Variants in PLCB1 observed in about 807,000 individuals in gnomAD.
PLCB1 encodes 1-phosphatidylinositol 4,5-bisphosphate phosphodiesterase beta-1.
A neutral mutation model predicts 161.8 loss-of-function variants in PLCB1; 46 were observed. The ratio of observed to expected loss-of-function variants is 0.28; its 90% CI spans 0.22 to 0.36. The LOEUF (loss-of-function observed/expected upper bound fraction) is 0.36, where lower values mean the gene tolerates loss of function less well. Among genes scored for constraint, PLCB1 ranks in the 10% least tolerant of loss-of-function variants. The pLI is 1.00. For synonymous variants in PLCB1, 517 were observed against 503.7 expected (o/e 1.03, Z -0.35); for missense variants, 1,016 against 1,472.5 (o/e 0.69, Z 5.07).
At chr20:8,203,097 GCACA>G (rs61698006) in intron 2 of PLCB1, among the ~76,000 whole-genome samples, 5 of 150,260 alleles carry the variant, frequency 3.3e-5, no homozygotes, top group East Asian at 2.0e-4. Flanking sequence ...ACACACACGC[GCACA>G]CACACACACA....
At position 8,483,041 on chromosome 20, in the gene PLCB1, G is replaced by A. The variant is rs373524869; in HGVS notation, c.246+111591G>A. Reference sequence around the variant, plus strand: ...AAATCTTGACATTGTTCTCTCGATCGATGGAAATAATCAAAAAGGAGAAGG... The same window carrying A: ...AAATCTTGACATTGTTCTCTCGATCAATGGAAATAATCAAAAAGGAGAAGG... On this transcript the variant is annotated intron_variant, in intron 3 of 31. Transcript: ENST00000338037. Among the ~76,000 whole-genome samples the A allele has an allele frequency of 2.5e-3, 384 of 152,170 alleles. 4 individuals are homozygous for A. The highest frequency in any genetic ancestry group is 0.013 in the South Asian group (61 of 4,822).
chr20:8,240,779 C>A (rs1980568504), intron 2 of PLCB1, among the ~76,000 whole-genome samples: 1 of 151,940 alleles, frequency 6.6e-6, no homozygotes, highest in Non-Finnish European at 1.5e-5. Flanking sequence ...ATCAAATATC[C>A]TATTTCCTTT....
At chr20:8,155,729 A>G (rs567732916) in intron 2 of PLCB1, among the ~76,000 whole-genome samples, 1 of 152,276 alleles carries the variant, frequency 6.6e-6, no homozygotes, top group South Asian at 2.1e-4. Context: ...CTTCTTGTGT[A>G]TAGTAAATGG....
chr20:8,449,969 G>A (rs1025470667), intron 3 of PLCB1, among the ~76,000 whole-genome samples: 7 of 152,134 alleles, frequency 4.6e-5, no homozygotes, highest in African/African-American at 1.2e-4. Flanking sequence ...ATATTTCTGT[G>A]ACATTAAATC....
chr20:8,150,312 C>A lies in PLCB1; in HGVS notation c.118C>A (p.Pro40Thr). The A allele has an allele frequency of 6.5e-7, 1 of 1,532,294 alleles. No individual in the cohort carries two copies. Among genetic ancestry groups the A allele is most frequent in the Non-Finnish European group, 9.0e-7 (1 of 1,112,940 alleles). The allele number at this position is 1,532,294 out of a possible 1,614,324, so 94.9% of individuals were successfully genotyped here. The part of the protein sequence containing the change: ...KWDDDSTIVT[P>T]IILRTDPQGF... ...TTTCTAGGACTCAACTATTGTTACT[C>A]CAATTATTTTGAGGACTGACCCTCA... Residue 40 changes from proline (P) to threonine (T), a missense_variant, in exon 2 of 32, where the codon CCA (proline) becomes ACA (threonine). Pro to Thr is a conservative substitution (Grantham distance 38). This residue lies in a region of PLCB1 where 181 missense variants were observed against 236.7 expected (regional missense o/e 0.76). Transcript: ENST00000338037.
chr20:8,181,368 A>C (rs2123090597), intron 2 of PLCB1, among the ~76,000 whole-genome samples: 1 of 152,156 alleles, frequency 6.6e-6, no homozygotes, highest in African/African-American at 2.4e-5. Context: ...TTTCTTTCCA[A>C]TGCCATTGTG....
At chr20:8,282,898 C>G (rs1014185410) in intron 2 of PLCB1, among the ~76,000 whole-genome samples, 7 of 151,710 alleles carry the variant, frequency 4.6e-5, no homozygotes, top group African/African-American at 1.5e-4. Context: ...GCTACTCTAA[C>G]AGACATCCAA....
At chr20:8,211,714 A>G (rs1165695822) in intron 2 of PLCB1, among the ~76,000 whole-genome samples, 2 of 152,106 alleles carry the variant, frequency 1.3e-5, no homozygotes, top group Non-Finnish European at 2.9e-5. Flanking sequence ...TTTAGAGCAG[A>G]AGATGTATTC....
At chr20:8,689,219 C>T (rs1319081819) in intron 10 of PLCB1, among the ~76,000 whole-genome samples, 2 of 151,940 alleles carry the variant, frequency 1.3e-5, no homozygotes, top group Non-Finnish European at 2.9e-5. Flanking sequence ...GCTGAATTCT[C>T]TTATCTGTTC....
chr20:8,370,945 A>G (rs2719765), intron 2 of PLCB1: 37,462 of 157,152 alleles, frequency 0.24, 4,799 homozygotes, highest in South Asian at 0.44. Flanking sequence ...GCAGATTCGT[A>G]TCTCTGCCTT....
chr20:8,417,701 A>G (rs1979364345), intron 3 of PLCB1, among the ~76,000 whole-genome samples: 1 of 152,208 alleles, frequency 6.6e-6, no homozygotes. Flanking sequence ...TTGACTTGCT[A>G]TTTTATTCCT....
At chr20:8,163,975 G>A (rs1432132396) in intron 2 of PLCB1, among the ~76,000 whole-genome samples, 1 of 152,202 alleles carries the variant, frequency 6.6e-6, no homozygotes, top group African/African-American at 2.4e-5. Context: ...GATTTTTACA[G>A]TGGAAAAATG....
intron 3 of PLCB1, among the ~76,000 whole-genome samples, chr20:8,476,628 C>A (rs886682367): frequency 2.0e-5 from 3 of 152,258 alleles, no homozygotes; most frequent in African/African-American, 7.2e-5. Flanking sequence ...AATGAGCACA[C>A]AAATCACCTT....
intron 3 of PLCB1, among the ~76,000 whole-genome samples, chr20:8,395,706 C>T (rs1467715969): frequency 6.6e-6 from 1 of 151,668 alleles, no homozygotes; most frequent in African/African-American, 2.4e-5. Flanking sequence ...CTTAGCTGCT[C>T]AAAATTTCAT....
chr20:8,184,013 A>G (rs565664610), intron 2 of PLCB1, among the ~76,000 whole-genome samples: 13 of 152,292 alleles, frequency 8.5e-5, no homozygotes, highest in African/African-American at 2.9e-4. Flanking sequence ...TTTTGGGGTA[A>G]TAATGATATG....
At chr20:8,168,875 A>G (rs754804223) in intron 2 of PLCB1, among the ~76,000 whole-genome samples, 2 of 152,062 alleles carry the variant, frequency 1.3e-5, no homozygotes, top group Non-Finnish European at 2.9e-5. Context: ...TGATGATGGG[A>G]AATGTTCTTC....
chr20:8,492,623 A>G (rs1982992070), intron 3 of PLCB1, among the ~76,000 whole-genome samples: 1 of 152,044 alleles, frequency 6.6e-6, no homozygotes, highest in Non-Finnish European at 1.5e-5. Flanking sequence ...GTAATAAAAA[A>G]TGGTGGGGTT....
intron 2 of PLCB1, among the ~76,000 whole-genome samples, chr20:8,324,510 T>G: frequency 6.6e-6 from 1 of 152,314 alleles, no homozygotes; most frequent in South Asian, 2.1e-4. Context: ...AAATGTTTGT[T>G]AAATGAATGA....
At chr20:8,676,145 G>A (rs780932524) in intron 9 of PLCB1, among the ~76,000 whole-genome samples, 7 of 152,234 alleles carry the variant, frequency 4.6e-5, no homozygotes, top group South Asian at 2.1e-4. Flanking sequence ...TTAAACAGGC[G>A]GATCACCTGA....
Sources: allele counts gnomAD v4.1 joint callset (sites outside exome capture counted in the v4.1 genomes callset), GRCh38; gene constraint gnomAD v4.1.1; regional missense constraint gnomAD v4.1.1; transcripts MANE v1.5; gene names NCBI Gene and HGNC (gene_info 2026-07-23, HGNC 2026-07-21).